ST6GALNAC3: variants seen among roughly 807,000 people sequenced by gnomAD.
ST6GALNAC3 encodes the protein ST6 N-acetylgalactosaminide alpha-2,6-sialyltransferase 3, also known as alpha-N-acetylgalactosaminide alpha-2,6-sialyltransferase 3.
A neutral mutation model predicts 32.7 loss-of-function variants in ST6GALNAC3; 25 were observed. That is an observed-to-expected ratio of 0.76 (90% CI 0.56 to 1.07). The LOEUF is 1.07. Among genes scored for constraint, ST6GALNAC3 ranks in the 50% least tolerant of loss-of-function variants. ST6GALNAC3 has a pLI of 0.00. For missense variants in ST6GALNAC3, 355 were observed against 382.4 expected (o/e 0.93, Z 0.60); for synonymous variants, 129 against 133.1 (o/e 0.97, Z 0.21).
At chr1:76,395,237 A>G (rs1470188305) in intron 2 of ST6GALNAC3, among the ~76,000 whole-genome samples, 9 of 152,146 alleles carry the variant, frequency 5.9e-5, no homozygotes, top group Non-Finnish European at 8.8e-5. Flanking sequence ...GCTAAGTGCC[A>G]TGTAATCAAA....
intron 2 of ST6GALNAC3, among the ~76,000 whole-genome samples, chr1:76,347,917 A>G (rs1648653491): frequency 6.6e-6 from 1 of 152,202 alleles, no homozygotes; most frequent in Admixed American, 6.5e-5. Flanking sequence ...TTTAATAAGT[A>G]TTGGTTATTA....
At chr1:76,582,966 G>A (rs1646912587) in intron 3 of ST6GALNAC3, among the ~76,000 whole-genome samples, 1 of 152,064 alleles carries the variant, frequency 6.6e-6, no homozygotes, top group African/African-American at 2.4e-5. Context: ...CTGCAGACTG[G>A]GTTGTTAAAA....
At chr1:76,089,018 G>T (rs1647003049) in intron 1 of ST6GALNAC3, among the ~76,000 whole-genome samples, 1 of 150,794 alleles carries the variant, frequency 6.6e-6, no homozygotes, top group Non-Finnish European at 1.5e-5. Context: ...TCTAGAAATG[G>T]GGAAACACTA....
At chr1:76,424,294 T>C (rs1171442514) in intron 3 of ST6GALNAC3, among the ~76,000 whole-genome samples, 1 of 151,882 alleles carries the variant, frequency 6.6e-6, no homozygotes, top group Non-Finnish European at 1.5e-5. Context: ...GAGAAGACCC[T>C]TCCAAAAGTG....
intron 3 of ST6GALNAC3, among the ~76,000 whole-genome samples, chr1:76,608,844 T>A (rs1424732206): frequency 2.0e-5 from 3 of 152,172 alleles, no homozygotes; most frequent in African/African-American, 7.2e-5. Flanking sequence ...AATATATTAA[T>A]TATTTGGGAA....
intron 1 of ST6GALNAC3, among the ~76,000 whole-genome samples, chr1:76,227,327 T>G (rs778319522): frequency 5.3e-5 from 8 of 152,160 alleles, no homozygotes; most frequent in Non-Finnish European, 1.0e-4. Flanking sequence ...ATTAATTGCA[T>G]TCTCATTAGG....
At chr1:76,298,579 T>G (rs1270569781) in intron 1 of ST6GALNAC3, among the ~76,000 whole-genome samples, 1 of 152,028 alleles carries the variant, frequency 6.6e-6, no homozygotes, top group Non-Finnish European at 1.5e-5. Context: ...CATGTCTTCC[T>G]TTCTGTGAAG....
At chr1:76,321,078 C>A (rs1646958957) in intron 2 of ST6GALNAC3, among the ~76,000 whole-genome samples, 1 of 151,872 alleles carries the variant, frequency 6.6e-6, no homozygotes, top group South Asian at 2.1e-4. Context: ...GGTGGCCCTT[C>A]CTTTTGACCA....
chr1:76,093,349 A>G (rs1484578453), intron 1 of ST6GALNAC3, among the ~76,000 whole-genome samples: 1 of 152,188 alleles, frequency 6.6e-6, no homozygotes, highest in East Asian at 1.9e-4. Context: ...CTTCTTTTTA[A>G]CTTTTCATGG....
chr1:76,542,342 T>A (rs1006460863), intron 3 of ST6GALNAC3, among the ~76,000 whole-genome samples: 4 of 152,138 alleles, frequency 2.6e-5, no homozygotes, highest in Admixed American at 6.5e-5. Context: ...AACTGTGAGA[T>A]GTCTTTAGGG....
intron 1 of ST6GALNAC3, among the ~76,000 whole-genome samples, chr1:76,207,887 T>G (rs1654909950): frequency 6.6e-6 from 1 of 152,206 alleles, no homozygotes; most frequent in Non-Finnish European, 1.5e-5. Context: ...CCTTACATGC[T>G]CCAATGTGCC....
chr1:76,613,349 T>C (rs548086536), intron 3 of ST6GALNAC3, among the ~76,000 whole-genome samples: 47 of 152,314 alleles, frequency 3.1e-4, no homozygotes, highest in African/African-American at 1.1e-3. Context: ...TCCTGTGGCA[T>C]ACTGTGTATG....
chr1:76,599,005 A>G (rs527975706), intron 3 of ST6GALNAC3, among the ~76,000 whole-genome samples: 1 of 152,196 alleles, frequency 6.6e-6, no homozygotes, highest in African/African-American at 2.4e-5. Context: ...TTCAAAAGTA[A>G]TCTACTTTAT....
At chr1:76,108,475 A>G (rs1647689955) in intron 1 of ST6GALNAC3, among the ~76,000 whole-genome samples, 1 of 152,162 alleles carries the variant, frequency 6.6e-6, no homozygotes, top group Non-Finnish European at 1.5e-5. Context: ...TCTCCAAATC[A>G]AGGCCTCTTC....
chr1:76,573,794 AT>A (rs1379852573), intron 3 of ST6GALNAC3, among the ~76,000 whole-genome samples: 1 of 152,046 alleles, frequency 6.6e-6, no homozygotes, highest in African/African-American at 2.4e-5. Flanking sequence ...TAATATTTTA[AT>A]TTTTATCCTC....
intron 2 of ST6GALNAC3, among the ~76,000 whole-genome samples, chr1:76,371,487 AGGATATGTT>A (rs1650812264): frequency 6.6e-6 from 1 of 152,178 alleles, no homozygotes; most frequent in South Asian, 2.1e-4. Context: ...TGGAAAATGC[AGGATATGTT>A]GGAGACAGAA....
chr1:76,184,602 G>A (rs1001217490), intron 1 of ST6GALNAC3, among the ~76,000 whole-genome samples: 2 of 151,426 alleles, frequency 1.3e-5, no homozygotes, highest in African/African-American at 4.9e-5. Flanking sequence ...GCTCTTCAGA[G>A]TTTGCCCGGG....
chr1:76,525,111 A>G (rs761259411), intron 3 of ST6GALNAC3, among the ~76,000 whole-genome samples: 2 of 152,150 alleles, frequency 1.3e-5, no homozygotes, highest in Admixed American at 6.6e-5. Context: ...GAAAATGAGT[A>G]ACAATATAAA....
intron 1 of ST6GALNAC3, among the ~76,000 whole-genome samples, chr1:76,297,067 G>A (rs1660446035): frequency 6.6e-6 from 1 of 151,992 alleles, no homozygotes; most frequent in Non-Finnish European, 1.5e-5. Flanking sequence ...AGCCTATAAA[G>A]GGAGGACTTT....
Sources: allele counts gnomAD v4.1 joint callset (sites outside exome capture counted in the v4.1 genomes callset), GRCh38; gene constraint gnomAD v4.1.1; transcripts MANE v1.5; gene names NCBI Gene and HGNC (gene_info 2026-07-23, HGNC 2026-07-21).